Variants in ASH1L observed in about 807,000 individuals in gnomAD.
ASH1L encodes the protein histone-lysine N-methyltransferase ASH1L.
A neutral mutation model predicts 269.0 loss-of-function variants in ASH1L; 23 were observed. The observed-to-expected ratio is 0.09, with a 90% CI of 0.06 to 0.12. The LOEUF (loss-of-function observed/expected upper bound fraction) is 0.12. ASH1L is among the 10% of genes least tolerant of loss of function. The pLI is 1.00. For synonymous variants in ASH1L, 1,187 were observed against 1,253.5 expected (o/e 0.95, Z 1.12); for missense variants, 2,912 against 3,567.8 (o/e 0.82, Z 4.68).
intron 3 of ASH1L, among the ~76,000 whole-genome samples, chr1:155,468,182 T>A (rs2148694644): frequency 6.6e-6 from 1 of 151,188 alleles, no homozygotes; most frequent in East Asian, 1.9e-4. Context: ...TCCTTGATAC[T>A]TTTTAGTACT....
Position 155,562,698 on chromosome 1 carries a change from C to T in ASH1L, c.-645G>A. On this transcript the variant is annotated 5_prime_UTR_variant, in exon 1 of 28. It adds an upstream start codon to the 5' untranslated region. Transcript: ENST00000392403. The stretch of plus-strand genomic sequence containing the variant: ...GCGCCAGCCAGCCCGTACGCGCTCA[C>T]CCACAGGAACCCCCTCGTCCAGTCC... 3.4e-6 allele frequency: 5 copies of T among 1,492,120 alleles called. No individual in the cohort carries two copies. Among genetic ancestry groups the T allele is most frequent in the Non-Finnish European group, 4.5e-6 (5 of 1,110,786 alleles). 92.4% of individuals were successfully genotyped at this position (1,492,120 alleles called of 1,614,324 possible).
intron 24 of ASH1L, among the ~76,000 whole-genome samples, chr1:155,342,391 T>C (rs55641549): frequency 0.057 from 8,670 of 152,198 alleles, 804 homozygotes; most frequent in African/African-American, 0.2. Context: ...AGGGAAAAAC[T>C]GAGCAGGTTA....
intron 4 of ASH1L, among the ~76,000 whole-genome samples, chr1:155,442,095 C>A (rs1662628271): frequency 6.6e-6 from 1 of 152,034 alleles, no homozygotes; most frequent in South Asian, 2.1e-4. Context: ...ATGACTTTAC[C>A]TCACCACCAT....
intron 2 of ASH1L, among the ~76,000 whole-genome samples, chr1:155,519,927 G>T (rs1025219048): frequency 6.6e-6 from 1 of 152,114 alleles, no homozygotes; most frequent in African/African-American, 2.4e-5. Context: ...CCAAAGTGCT[G>T]GGATTACAGG....
chr1:155,373,115 A>C (rs1319067820), intron 10 of ASH1L, among the ~76,000 whole-genome samples: 1 of 151,842 alleles, frequency 6.6e-6, no homozygotes, highest in Non-Finnish European at 1.5e-5. Flanking sequence ...CGGGAGGCTG[A>C]GACAGGAGAA....
At chr1:155,552,159 T>C (rs1024038986) in intron 1 of ASH1L, among the ~76,000 whole-genome samples, 4 of 151,856 alleles carry the variant, frequency 2.6e-5, no homozygotes, top group East Asian at 3.9e-4. Context: ...GCCTGGCACA[T>C]AGTAAGCACT....
At chr1:155,555,109 T>G (rs562905743) in intron 1 of ASH1L, among the ~76,000 whole-genome samples, 1 of 148,592 alleles carries the variant, frequency 6.7e-6, no homozygotes, top group African/African-American at 2.5e-5. Flanking sequence ...GCCACTACAC[T>G]TCAGCTTTGG....
chr1:155,476,206 G>A (rs183393905), intron 3 of ASH1L, among the ~76,000 whole-genome samples: 2 of 152,176 alleles, frequency 1.3e-5, no homozygotes, highest in Non-Finnish European at 2.9e-5. Context: ...CTAACACGGT[G>A]AAACCCTGTC....
intron 2 of ASH1L, among the ~76,000 whole-genome samples, chr1:155,488,840 A>G (rs1488800450): frequency 6.6e-6 from 1 of 152,162 alleles, no homozygotes; most frequent in Non-Finnish European, 1.5e-5. Context: ...AAAACATGAT[A>G]TTAAGCATGT....
chr1:155,539,544 C>T (rs1254248315), intron 1 of ASH1L, among the ~76,000 whole-genome samples: 1 of 152,044 alleles, frequency 6.6e-6, no homozygotes, highest in East Asian at 1.9e-4. Context: ...GCAGTCCCAA[C>T]CTCCTGGGCC....
At chr1:155,425,693 C>A (rs1661092753) in intron 5 of ASH1L, among the ~76,000 whole-genome samples, 1 of 151,578 alleles carries the variant, frequency 6.6e-6, no homozygotes, top group Admixed American at 6.6e-5. Flanking sequence ...CTTGGCCTCC[C>A]AAAGTGCTGG....
intron 15 of ASH1L, among the ~76,000 whole-genome samples, chr1:155,355,915 G>A (rs1346392360): frequency 1.7e-5 from 2 of 116,156 alleles, no homozygotes; most frequent in East Asian, 2.5e-4. Context: ...CAGGTATTCT[G>A]TTTTTTTTTT....
chr1:155,406,360 A>G (rs1345208579), intron 6 of ASH1L, among the ~76,000 whole-genome samples: 2 of 152,220 alleles, frequency 1.3e-5, no homozygotes, highest in Non-Finnish European at 2.9e-5. Context: ...AATCTTGAAA[A>G]AGAACAAAGT....
intron 3 of ASH1L, among the ~76,000 whole-genome samples, chr1:155,461,767 C>T (rs1436835475): frequency 1.3e-5 from 2 of 149,648 alleles, no homozygotes; most frequent in African/African-American, 4.9e-5. Context: ...CATTCCTGAT[C>T]ATGGATTAAG....
chr1:155,549,270 G>C (rs1170233921), intron 1 of ASH1L, among the ~76,000 whole-genome samples: 1 of 152,074 alleles, frequency 6.6e-6, no homozygotes, highest in Admixed American at 6.6e-5. Context: ...TTTACCTGAG[G>C]AGTTTGAGGT....
At chr1:155,427,475 G>A (rs927931908) in intron 5 of ASH1L, among the ~76,000 whole-genome samples, 6 of 152,020 alleles carry the variant, frequency 3.9e-5, no homozygotes, top group Non-Finnish European at 8.8e-5. Flanking sequence ...GCTAATTTTT[G>A]TACTTTTTAG....
intron 2 of ASH1L, among the ~76,000 whole-genome samples, chr1:155,486,755 AT>A (rs1666355176): frequency 6.6e-6 from 1 of 152,106 alleles, no homozygotes; most frequent in South Asian, 2.1e-4. Flanking sequence ...TGTTTTAAAT[AT>A]TTTTAAACAT....
chr1:155,517,755 G>A (rs901191804), intron 2 of ASH1L, among the ~76,000 whole-genome samples: 1 of 148,834 alleles, frequency 6.7e-6, no homozygotes, highest in African/African-American at 2.5e-5. Flanking sequence ...GAAAGGAAGA[G>A]TCCTAAAATA....
upstream of ASH1L, chr1:155,563,189 G>A (rs1306993903): frequency 2.2e-6 from 1 of 456,782 alleles, no homozygotes; most frequent in African/African-American, 2.0e-5. Context: ...CCGGTGGTTG[G>A]AGGCCGCGGC....
Sources: allele counts gnomAD v4.1 joint callset (sites outside exome capture counted in the v4.1 genomes callset), GRCh38; gene constraint gnomAD v4.1.1; transcripts MANE v1.5; gene names NCBI Gene and HGNC (gene_info 2026-07-23, HGNC 2026-07-21).